The following ROCK2 variants were observed in gnomAD, a reference collection of about 807,000 sequenced individuals.
ROCK2 encodes Rho associated coiled-coil containing protein kinase 2.
Under a neutral mutation model 195.1 loss-of-function variants are expected in ROCK2, and 61 were observed. That is an observed-to-expected ratio of 0.31 (90% CI 0.25 to 0.39). The LOEUF (loss-of-function observed/expected upper bound fraction) is 0.39. ROCK2 is among the 10% of genes least tolerant of loss of function. The pLI is 1.00. For missense variants in ROCK2, 1,109 were observed against 1,637.4 expected (o/e 0.68, Z 5.57); for synonymous variants, 504 against 545.5 (o/e 0.92, Z 1.06).
Position 11,221,295 on chromosome 2 carries a change from C to G in ROCK2, c.1162G>C (p.Glu388Gln). The G allele has an allele frequency of 6.3e-7, 1 of 1,592,406 alleles. No homozygotes were observed. The highest frequency in any genetic ancestry group is 8.5e-7 in the Non-Finnish European group (1 of 1,171,896). Reference sequence around the variant, plus strand: ...GTTTCTACATCTCCTTTGTCATCTTCAATGTCATCGAAATTGCTGCTGTCT... The same window carrying G: ...GTTTCTACATCTCCTTTGTCATCTTGAATGTCATCGAAATTGCTGCTGTCT... ...DIDSSNFDDIEDDKGDVETFP... is the reference protein window; with the variant it reads ...DIDSSNFDDIQDDKGDVETFP... Residue 388 changes from glutamate (E) to glutamine (Q), a missense_variant, in exon 9 of 33, where the codon GAA becomes CAA. Physicochemically the swap from Glu to Gln is conservative, Grantham distance 29. Transcript: ENST00000315872.
intron 3 of ROCK2, among the ~76,000 whole-genome samples, chr2:11,261,555 A>C (rs1666225556): frequency 6.6e-6 from 1 of 152,210 alleles, no homozygotes; most frequent in South Asian, 2.1e-4. Context: ...TTGGTGGCTC[A>C]TGCCTGTAAT....
intron 3 of ROCK2, among the ~76,000 whole-genome samples, chr2:11,250,214 G>A (rs367570752): frequency 3.1e-4 from 47 of 152,160 alleles, no homozygotes; most frequent in Middle Eastern, 6.8e-3. Flanking sequence ...CTATCTGCCC[G>A]TAAGAACCTA....
chr2:11,249,954 A>G (rs1019381598), intron 3 of ROCK2, among the ~76,000 whole-genome samples, 156 bp from the exon 4 acceptor site: 2 of 152,216 alleles, frequency 1.3e-5, no homozygotes, highest in Non-Finnish European at 2.9e-5. Context: ...TGAAAGAAAC[A>G]AAGGAGAACA....
upstream of ROCK2, among the ~76,000 whole-genome samples, chr2:11,345,129 C>T (rs755436715): frequency 1.2e-4 from 19 of 152,180 alleles, no homozygotes; most frequent in African/African-American, 2.2e-4. Flanking sequence ...CCGCGAGGGG[C>T]CGCAGGGCCG....
chr2:11,287,700 GA>G lies in ROCK2; in HGVS notation c.177del (p.Pro60LeufsTer3). ...GLNSLVLDLD[F>X]PALRKNKNID... ...ATGTTCTTGTTTTTCCTCAAAGCAG[GA>G]AAATCTAAATCAAGGACCAAGGAAT... On this transcript the variant is annotated frameshift_variant, in exon 2 of 33. Transcript: ENST00000315872. LOFTEE classifies it high-confidence loss of function. 7.5e-7 allele frequency: 1 copy of G among 1,326,322 alleles called. No homozygotes were observed. Among genetic ancestry groups the G allele is most frequent in the Non-Finnish European group, 1.0e-6 (1 of 992,558 alleles). 82.2% of individuals were successfully genotyped at this position (1,326,322 alleles called of 1,614,324 possible).
chr2:11,183,297 A>G lies in ROCK2; in HGVS notation c.*140T>C. ...AATTTATATTACAGGGAAAAGGGGA[A>G]CACATATATGTATGAGTGTATGTAT... On this transcript the variant is annotated 3_prime_UTR_variant, in exon 33 of 33. Transcript: ENST00000315872. The G allele has an allele frequency of 1.8e-6, 1 of 570,384 alleles. No homozygotes were observed. The highest frequency in any genetic ancestry group is 3.0e-6 in the Non-Finnish European group (1 of 327,870). 35.3% of individuals were successfully genotyped at this position (570,384 alleles called of 1,614,324 possible).
At chr2:11,238,207 AGAGT>A (rs758033051) in intron 4 of ROCK2, among the ~76,000 whole-genome samples, 6,361 of 36,038 alleles carry the variant, frequency 0.18, 266 homozygotes, top group Non-Finnish European at 0.25. Context: ...AAATTGAGAA[AGAGT>A]GTGTGTGTGT....
intron 3 of ROCK2, among the ~76,000 whole-genome samples, chr2:11,262,029 T>C (rs1666244485): frequency 6.6e-6 from 1 of 152,102 alleles, no homozygotes; most frequent in African/African-American, 2.4e-5. Flanking sequence ...TCAATGAAAA[T>C]GTTAGCTGAC....
At chr2:11,279,569 T>C (rs1666933008) in intron 3 of ROCK2, among the ~76,000 whole-genome samples, 1 of 152,126 alleles carries the variant, frequency 6.6e-6, no homozygotes, top group South Asian at 2.1e-4. Context: ...AAGAGATAAA[T>C]TCACTATCAT....
At chr2:11,191,108 C>A (rs540022799) in intron 32 of ROCK2, among the ~76,000 whole-genome samples, 1 of 152,176 alleles carries the variant, frequency 6.6e-6, no homozygotes, top group Non-Finnish European at 1.5e-5. Flanking sequence ...TATTCATATA[C>A]TGAAGGTCCT....
rs910565124 is a variant in ROCK2, at chr2:11,302,358, C to T, written c.142-14622G>A. ...CTTTTGAGACGGAGTCTCACTCTGT[C>T]GCCCAGGCTGGAGTGCAGTGGTATG... On this transcript the variant is annotated intron_variant, in intron 1 of 32. Transcript: ENST00000315872. Among the ~76,000 whole-genome samples the T allele has an allele frequency of 6.6e-5, 10 of 151,722 alleles. No homozygotes were observed. The Middle Eastern group carries it at 0.01, about 155-fold the overall frequency.
At chr2:11,281,467 G>A (rs1316552752) in intron 3 of ROCK2, among the ~76,000 whole-genome samples, 2 of 152,154 alleles carry the variant, frequency 1.3e-5, no homozygotes, top group African/African-American at 4.8e-5. Flanking sequence ...GATCATCTAT[G>A]TAGAGGATTC....
chr2:11,220,835 T>A (rs1664614660), intron 9 of ROCK2, among the ~76,000 whole-genome samples: 1 of 152,218 alleles, frequency 6.6e-6, no homozygotes, highest in Admixed American at 6.5e-5. Flanking sequence ...ACTTCTATTT[T>A]TCTTCTGAAC....
At chr2:11,323,336 A>C (rs2148251632) in intron 1 of ROCK2, among the ~76,000 whole-genome samples, 1 of 152,326 alleles carries the variant, frequency 6.6e-6, no homozygotes, top group South Asian at 2.1e-4. Flanking sequence ...TATTCTGTAT[A>C]TCTGCCCTAC....
rs1256471288 is a variant in ROCK2 at position 11,192,731 on chromosome 2, C to A, written c.3688-19G>T. 1.9e-6 allele frequency: 3 copies of A among 1,589,616 alleles called. No homozygotes were observed. The Admixed American group carries it at 5.3e-5, about 28-fold the overall frequency. The stretch of plus-strand genomic sequence containing the variant: ...ACAGAATCTATGAATGCCAAAAGAA[C>A]AATAAGTGATTTCCAAACATGCTAT... On this transcript the variant is annotated intron_variant, in intron 30 of 32. Coordinates refer to ENST00000315872, the MANE Select transcript of ROCK2 (RefSeq NM_004850.5). The surrounding 1 kb of genome is among the most constrained non-coding windows in gnomAD (Gnocchi z 5.0).
Position 11,249,759 on chromosome 2 carries a change from G to T in ROCK2, c.364C>A (p.Leu122Ile). 6.3e-7 allele frequency: 1 copy of T among 1,579,234 alleles called. No homozygotes were observed. Among genetic ancestry groups the T allele is most frequent in the South Asian group, 1.2e-5 (1 of 80,606 alleles). ...TTTATCATTTCAAACTTACTAAGAA[G>T]CTTCATAGCATAAACCTTCTGCGAT... ...KASQKVYAMKLLSKFEMIKRS... is the reference protein window; with the variant it reads ...KASQKVYAMKILSKFEMIKRS... The change falls in exon 4 of 33, where the codon CTT becomes ATT. Residue 122 changes from leucine to isoleucine, a missense_variant. Physicochemically the swap from Leu to Ile is conservative, Grantham distance 5. Coordinates refer to ENST00000315872, the MANE Select transcript of ROCK2 (RefSeq NM_004850.5).
Position 11,308,736 on chromosome 2 carries a change from T to A in ROCK2, c.142-21000A>T. On this transcript the variant is annotated intron_variant, in intron 1 of 32. Coordinates refer to ENST00000315872, the MANE Select transcript of ROCK2 (RefSeq NM_004850.5). ...GAAAAATTAACCAAAGGTGCAGCTA[T>A]CTTCTTTGAATTCAAACACTACAAG... 4.3e-6 allele frequency: 7 copies of A among 1,612,008 alleles called. No homozygotes were observed. In the Admixed American group the frequency reaches 6.7e-5, roughly 15 times the overall value.
chr2:11,307,154 A>G (rs530329846), intron 1 of ROCK2, among the ~76,000 whole-genome samples: 1 of 152,360 alleles, frequency 6.6e-6, no homozygotes, highest in South Asian at 2.1e-4. Context: ...TTTAAAAAGT[A>G]TAATTCAAAA....
intron 1 of ROCK2, among the ~76,000 whole-genome samples, chr2:11,330,740 G>GGGAGAA (rs1553319898): frequency 2.3e-5 from 1 of 43,286 alleles, no homozygotes; most frequent in Non-Finnish European, 4.7e-5. Context: ...AAGATGAGGA[G>GGGAGAA]GGAGGAGGGA....
Sources: gnomAD v4.1 joint callset for allele counts (sites outside exome capture counted in the v4.1 genomes callset) on GRCh38, gnomAD v4.1.1 for gene constraint, Gnocchi (gnomAD v3.1) non-coding constraint, MANE v1.5 for transcripts, NCBI Gene and HGNC (gene_info 2026-07-23, HGNC 2026-07-21) for gene names.